Variants in DMD observed in about 807,000 individuals in gnomAD.
The protein encoded by DMD is mutant dystrophin.
Under a neutral mutation model 330.1 loss-of-function variants are expected in DMD, and 63 were observed. The observed-to-expected ratio is 0.19, with a 90% confidence interval of 0.16 to 0.24. The LOEUF (loss-of-function observed/expected upper bound fraction) is 0.24, where lower values mean the gene tolerates loss of function less well. Among genes scored for constraint, DMD ranks in the 10% least tolerant of loss-of-function variants. The pLI is 1.00. For synonymous variants in DMD, 1,223 were observed against 959.8 expected (o/e 1.27, Z -5.07); for missense variants, 3,344 against 2,684.1 (o/e 1.25, Z -5.43).
intron 55 of DMD, among the ~76,000 whole-genome samples, chrX:31,530,647 C>CTTTTTTTT (rs1192286078): frequency 4.0e-5 from 2 of 49,822 alleles, no homozygotes; most frequent in Non-Finnish European, 7.2e-5. Flanking sequence ...ACTGGTTTCT[C>CTTTTTTTT]TTTTTTTTTT....
intron 18 of DMD, among the ~76,000 whole-genome samples, chrX:32,504,445 G>A (rs899558201): frequency 1.8e-5 from 2 of 110,421 alleles, no homozygotes; most frequent in Admixed American, 1.9e-4. Context: ...CCAACATGGT[G>A]AAACCCTGTC....
rs1202033191 is a variant in DMD at position 31,120,868 on chromosome X, T to TCAATCAATCAATCAATCAATCAAC, written c.*1050_*1051insGTTGATTGATTGATTGATTGATTG. On this transcript the variant is annotated 3_prime_UTR_variant, in exon 79 of 79. Transcript: ENST00000357033. ...TGCTAGCAGCAGGAAGCTGAATGTA[T>TCAATCAATCAATCAATCAATCAAC]CAATCAATCAATCAATCAACCAACC... The TCAATCAATCAATCAATCAATCAAC allele has an allele frequency of 1.6e-4, 16 of 100,026 alleles. No individual in the cohort carries two copies. The highest frequency in any genetic ancestry group is 7.5e-4 in the African/African-American group (16 of 21,475). The allele number at this position is 100,026 out of a possible 1,213,427, so 8.2% of individuals were successfully genotyped here.
chrX:33,200,794 C>A (rs999683881), intron 1 of DMD, among the ~76,000 whole-genome samples: 4 of 109,911 alleles, frequency 3.6e-5, no homozygotes, highest in East Asian at 2.9e-4. Flanking sequence ...AGATCAATAA[C>A]CTTACAGTTA....
intron 30 of DMD, among the ~76,000 whole-genome samples, chrX:32,402,169 T>C (rs2098089556): frequency 8.9e-6 from 1 of 111,934 alleles, no homozygotes; most frequent in African/African-American, 3.2e-5. Context: ...AATAAATATC[T>C]ACCATTTAAG....
chrX:31,437,342 G>A (rs1381402125), intron 60 of DMD, among the ~76,000 whole-genome samples: 1 of 111,640 alleles, frequency 9.0e-6, no homozygotes, highest in Non-Finnish European at 1.9e-5. Context: ...TCTATCATCT[G>A]TAGTTTGGGA....
intron 55 of DMD, among the ~76,000 whole-genome samples, chrX:31,511,415 C>G (rs1426852746): frequency 9.6e-6 from 1 of 103,934 alleles, no homozygotes; most frequent in African/African-American, 3.5e-5. Flanking sequence ...ATGTGCCATG[C>G]TGGTGCGCTG....
Position 31,907,262 on chromosome X carries a change from T to C in DMD, c.6912+22334A>G, listed in dbSNP as rs2094489445. Among the ~76,000 whole-genome samples the C allele has an allele frequency of 5.4e-5, 6 of 111,751 alleles. No homozygotes were observed. The South Asian group carries it at 2.3e-3, about 42-fold the overall frequency. On this transcript the variant is annotated intron_variant, in intron 47 of 78. Coordinates refer to ENST00000357033, the MANE Select transcript of DMD (RefSeq NM_004006.3). Reference sequence around the variant, plus strand: ...GGTATATTATCATGCAAGTCATCAATGTGAACAACTGAATCTTAATACTCC... The same window carrying C: ...GGTATATTATCATGCAAGTCATCAACGTGAACAACTGAATCTTAATACTCC...
chrX:31,738,039 T>C (rs1207093434), intron 51 of DMD, among the ~76,000 whole-genome samples: 2 of 112,130 alleles, frequency 1.8e-5, no homozygotes, highest in Admixed American at 9.5e-5. Flanking sequence ...CAAGGACAAC[T>C]GGGAAGCAGC....
At chrX:32,623,881 T>C (rs1292851608) in intron 11 of DMD, among the ~76,000 whole-genome samples, 2 of 112,033 alleles carry the variant, frequency 1.8e-5, no homozygotes, top group Non-Finnish European at 3.8e-5. Context: ...CACAGTGGCA[T>C]GTGAAGCCAG....
chrX:33,059,320 A>G (rs1201969690), intron 1 of DMD, among the ~76,000 whole-genome samples: 4 of 110,898 alleles, frequency 3.6e-5, no homozygotes, highest in Non-Finnish European at 7.5e-5. Context: ...AGACTCTCAT[A>G]TTATTGTGAC....
chrX:31,443,846 G>A (rs1465021381), intron 60 of DMD, among the ~76,000 whole-genome samples: 1 of 111,760 alleles, frequency 8.9e-6, no homozygotes, highest in Non-Finnish European at 1.9e-5. Context: ...CTTCCATCAT[G>A]ATTCAGCATT....
At chrX:33,159,120 G>A (rs760689263) in intron 1 of DMD, 1 of 111,229 alleles carries the variant, frequency 9.0e-6, no homozygotes, top group Non-Finnish European at 1.9e-5. Context: ...TCAAAACTAG[G>A]TATCTATCAT....
intron 30 of DMD, among the ~76,000 whole-genome samples, chrX:32,394,985 T>TAA (rs1446829775): frequency 5.6e-5 from 6 of 106,500 alleles, no homozygotes; most frequent in African/African-American, 2.0e-4. Context: ...TGTGGGAACT[T>TAA]ATGTGCTAAC....
intron 44 of DMD, among the ~76,000 whole-genome samples, chrX:32,009,133 T>C (rs1009411304): frequency 1.8e-5 from 2 of 110,897 alleles, no homozygotes; most frequent in Non-Finnish European, 3.8e-5. Context: ...ACAGAGGAAA[T>C]AGAAAATAAC....
intron 1 of DMD, among the ~76,000 whole-genome samples, chrX:33,060,352 A>T (rs1304477003): frequency 9.0e-6 from 1 of 111,228 alleles, no homozygotes; most frequent in Admixed American, 9.7e-5. Context: ...ACCAAGGATG[A>T]GTGTTTTCTG....
intron 44 of DMD, among the ~76,000 whole-genome samples, chrX:32,140,150 T>C (rs954235299): frequency 1.8e-5 from 2 of 112,224 alleles, no homozygotes; most frequent in Admixed American, 1.9e-4. Flanking sequence ...ACAGATTCAA[T>C]GATATGATTT....
chrX:32,618,955 A>C (rs918662762), intron 11 of DMD, among the ~76,000 whole-genome samples: 2 of 111,563 alleles, frequency 1.8e-5, no homozygotes, highest in Non-Finnish European at 3.8e-5. Flanking sequence ...AAATCCCACT[A>C]TGAATTATAT....
chrX:31,260,605 C>A (rs2050413598), intron 63 of DMD, among the ~76,000 whole-genome samples: 1 of 109,369 alleles, frequency 9.1e-6, no homozygotes. Context: ...CGGAAGAAAT[C>A]AACAAGCACC....
rs149002092 is a variant in DMD at position 32,593,109 on chromosome X, T to C, written c.1602+2648A>G. Among the ~76,000 whole-genome samples, 395 of 112,814 alleles carry C rather than the reference T, an allele frequency of 3.5e-3. 8 individuals are homozygous for C. The highest frequency in any genetic ancestry group is 0.025 in the Admixed American group (274 of 10,750). On this transcript the variant is annotated intron_variant, in intron 13 of 78. Coordinates refer to ENST00000357033, the MANE Select transcript of DMD (RefSeq NM_004006.3). The stretch of plus-strand genomic sequence containing the variant: ...GCAAGCCAAGCACAGCCTGCCAGGC[T>C]GAGTGGGTGCAAGGAGCCCAGCGGG...
Sources: gnomAD v4.1 joint callset for allele counts (sites outside exome capture counted in the v4.1 genomes callset) on GRCh38, gnomAD v4.1.1 for gene constraint, MANE v1.5 for transcripts, NCBI Gene and HGNC (gene_info 2026-07-23, HGNC 2026-07-21) for gene names.